The following HRH4 variants were observed in gnomAD, a reference collection of about 807,000 sequenced individuals.
HRH4 encodes histamine receptor H4.
HRH4 carries 12 observed loss-of-function variants against 10.4 expected under a neutral mutation model. That is an observed-to-expected ratio of 1.15 (90% CI 0.74 to 1.87). HRH4 has a LOEUF of 1.87. HRH4 is among the 40% of genes most tolerant of loss of function. The pLI, the probability that HRH4 is intolerant of heterozygous loss-of-function variation, is 0.00. For synonymous variants in HRH4, 154 were observed against 166.6 expected (o/e 0.92, Z 0.58); for missense variants, 415 against 453.3 (o/e 0.92, Z 0.77).
At chr18:24,464,018 GA>G (rs1909709771) in intron 1 of HRH4, among the ~76,000 whole-genome samples, 1 of 152,176 alleles carries the variant, frequency 6.6e-6, no homozygotes, top group African/African-American at 2.4e-5. Context: ...ATCTTCAGGG[GA>G]TAAAGGTGGT....
chr18:24,470,158 CAA>C (rs1414836556), intron 2 of HRH4, among the ~76,000 whole-genome samples: 2 of 152,116 alleles, frequency 1.3e-5, no homozygotes. Flanking sequence ...ACTGCTGTGA[CAA>C]AGAGTCTCCA....
intron 1 of HRH4, among the ~76,000 whole-genome samples, chr18:24,465,742 A>G (rs1909755549): frequency 6.6e-6 from 1 of 152,190 alleles, no homozygotes; most frequent in Non-Finnish European, 1.5e-5. Context: ...CCTAGAATTC[A>G]GGGTGACAGC....
intron 2 of HRH4, among the ~76,000 whole-genome samples, chr18:24,475,592 T>G (rs1179820224): frequency 6.6e-6 from 1 of 152,190 alleles, no homozygotes; most frequent in Non-Finnish European, 1.5e-5. Context: ...GCCACTGCAC[T>G]GCAGCCCTGG....
chr18:24,477,545 C>T lies in HRH4; in HGVS notation c.1156C>T (p.Arg386Trp), dbSNP rs115905515. 3.9e-4 allele frequency: 611 copies of T among 1,571,464 alleles called. 5 individuals are homozygous for T. In the African/African-American group the frequency reaches 6.4e-3, roughly 17 times the overall value. The change falls in exon 3 of 3, where the codon CGG (arginine) becomes TGG (tryptophan). Residue 386 changes from arginine (R) to tryptophan (W), a missense_variant. Arg to Trp is a moderately radical substitution (Grantham distance 101). Transcript: ENST00000256906. ...GCAACCTCTACCATCACAACACAGTCGGTCAGTATCTTCTTAAAGACAATT... is the reference window on the plus strand; with the variant it reads ...GCAACCTCTACCATCACAACACAGTTGGTCAGTATCTTCTTAAAGACAATT... ...KKQPLPSQHS[R>W]SVSS
intron 1 of HRH4, among the ~76,000 whole-genome samples, chr18:24,465,005 G>T (rs1011800609): frequency 6.6e-6 from 1 of 152,116 alleles, no homozygotes; most frequent in Non-Finnish European, 1.5e-5. Flanking sequence ...CACATTTGAA[G>T]CCTGGGCGTG....
intron 1 of HRH4, among the ~76,000 whole-genome samples, chr18:24,461,514 G>A (rs1030814661): frequency 5.3e-5 from 8 of 151,928 alleles, no homozygotes; most frequent in Non-Finnish European, 8.8e-5. Flanking sequence ...CTGAAAACAC[G>A]CACTTTATAA....
chr18:24,473,313 T>C (rs1022814632), intron 2 of HRH4, among the ~76,000 whole-genome samples: 1 of 152,176 alleles, frequency 6.6e-6, no homozygotes, highest in Non-Finnish European at 1.5e-5. Context: ...TTGCTGGAGC[T>C]ACCAAAACAA....
At chr18:24,476,513 C>G (rs1599780880) in intron 2 of HRH4, among the ~76,000 whole-genome samples, 1 of 152,250 alleles carries the variant, frequency 6.6e-6, no homozygotes, top group East Asian at 1.9e-4. Context: ...CTATAGTATT[C>G]AGGGATTTAA....
chr18:24,465,566 C>G (rs1353277401), intron 1 of HRH4, among the ~76,000 whole-genome samples: 2 of 152,090 alleles, frequency 1.3e-5, no homozygotes, highest in East Asian at 1.9e-4. Flanking sequence ...CCATTTGACC[C>G]AAAAACACAA....
rs746574238 is a variant in HRH4, at chr18:24,460,686, C to T, written c.-43C>T. 1 of 1,312,436 alleles carries T rather than the reference C, an allele frequency of 7.6e-7. No individual in the cohort carries two copies. Among genetic ancestry groups the T allele is most frequent in the Non-Finnish European group, 1.0e-6 (1 of 961,314 alleles). The allele number at this position is 1,312,436 out of a possible 1,614,324, so 81.3% of individuals were successfully genotyped here. On this transcript the variant is annotated 5_prime_UTR_variant, in exon 1 of 3. Coordinates refer to ENST00000256906, the MANE Select transcript of HRH4 (RefSeq NM_021624.4). ...AAACATACTTGTCAGAATTGTCTGGCTGGATTAATTTGCTAATTTGACCTT... is the reference window on the plus strand; with the variant it reads ...AAACATACTTGTCAGAATTGTCTGGTTGGATTAATTTGCTAATTTGACCTT...
At chr18:24,470,445 C>G (rs1315550440) in intron 2 of HRH4, among the ~76,000 whole-genome samples, 1 of 151,380 alleles carries the variant, frequency 6.6e-6, no homozygotes, top group Non-Finnish European at 1.5e-5. Context: ...GTACTTGGCT[C>G]TGTTCCAATA....
Position 24,460,943 on chromosome 18 carries a change from A to G in HRH4, c.193+22A>G, listed in dbSNP as rs189322957. 6.0e-4 allele frequency: 852 copies of G among 1,419,876 alleles called. 1 individual carries two copies. Among genetic ancestry groups the G allele is most frequent in the South Asian group, 1.0e-3 (70 of 69,424 alleles). The allele number at this position is 1,419,876 out of a possible 1,614,324, so 88.0% of individuals were successfully genotyped here. On this transcript the variant is annotated intron_variant, in intron 1 of 2. Transcript: ENST00000256906. ...GTGGGTAAGTTATATGTCTTTATTT[A>G]AGACAGTCTTTTCCGATTTTAATTT...
At chr18:24,475,832 A>G (rs544619055) in intron 2 of HRH4, among the ~76,000 whole-genome samples, 20 of 151,952 alleles carry the variant, frequency 1.3e-4, no homozygotes, top group South Asian at 8.3e-4. Flanking sequence ...ACATGGTGAA[A>G]CCCCATCTCT....
chr18:24,465,007 C>T lies in HRH4; in HGVS notation c.194-3781C>T, dbSNP rs1909736712. Among the ~76,000 whole-genome samples, 3 of 152,004 alleles carry T rather than the reference C, an allele frequency of 2.0e-5. No individual in the cohort carries two copies. The South Asian group carries it at 6.2e-4, about 32-fold the overall frequency. Reference sequence around the variant, plus strand: ...TTACTGAGAAAGACACATTTGAAGCCTGGGCGTGGTGGCTCACATCTGTAA... The same window carrying T: ...TTACTGAGAAAGACACATTTGAAGCTTGGGCGTGGTGGCTCACATCTGTAA... On this transcript the variant is annotated intron_variant, in intron 1 of 2. Transcript: ENST00000256906.
At chr18:24,471,625 A>G (rs1909962220) in intron 2 of HRH4, among the ~76,000 whole-genome samples, 1 of 150,870 alleles carries the variant, frequency 6.6e-6, no homozygotes, top group Non-Finnish European at 1.5e-5. Context: ...AAAAAAAAAA[A>G]AAAAAAAAGA....
At chr18:24,469,870 A>G (rs1909888161) in intron 2 of HRH4, among the ~76,000 whole-genome samples, 1 of 152,128 alleles carries the variant, frequency 6.6e-6, no homozygotes, top group South Asian at 2.1e-4. Flanking sequence ...CCGGGGAATG[A>G]GCACAGTATC....
chr18:24,473,073 T>A (rs1334079933), intron 2 of HRH4, among the ~76,000 whole-genome samples: 1 of 151,976 alleles, frequency 6.6e-6, no homozygotes, highest in East Asian at 1.9e-4. Context: ...GAGAATCACT[T>A]GAACCCAGGA....
rs758115692 is a variant in HRH4 at position 24,477,379 on chromosome 18, C to T, written c.990C>T (p.Ser330=). The T allele has an allele frequency of 6.2e-6, 10 of 1,613,880 alleles. No individual in the cohort carries two copies. The highest frequency in any genetic ancestry group is 6.8e-6 in the Non-Finnish European group (8 of 1,179,918). Residue 330 remains serine (S), a synonymous_variant, in exon 3 of 3, where the codon TCC becomes TCT. Transcript: ENST00000256906. Reference sequence around the variant, plus strand: ...TCACAATTGTCCTTTCATTTTATTCCTCAGCAACAGGTCCTAAATCAGTTT... The same window carrying T: ...TCACAATTGTCCTTTCATTTTATTCTTCAGCAACAGGTCCTAAATCAGTTT... The part of the protein sequence containing the change: ...SLFTIVLSFY[S]SATGPKSVWY...
chr18:24,477,321 T>C lies in HRH4; in HGVS notation c.932T>C (p.Val311Ala). The change falls in exon 3 of 3, where the codon GTT becomes GCT. Residue 311 changes from valine (V) to alanine (A), a missense_variant. Transcript: ENST00000256906. ...AAGTCACTGGCCATTCTCTTAGGGG[T>C]TTTTGCTGTTTGCTGGGCTCCATAT... is the stretch of plus-strand genomic sequence containing the variant. ...LAKSLAILLGVFAVCWAPYSL... is the reference protein window; with the variant it reads ...LAKSLAILLGAFAVCWAPYSL... 3.7e-6 allele frequency: 6 copies of C among 1,613,898 alleles called. No individual in the cohort carries two copies. The highest frequency in any genetic ancestry group is 5.1e-6 in the Non-Finnish European group (6 of 1,179,878).
Sources: allele counts gnomAD v4.1 joint callset (sites outside exome capture counted in the v4.1 genomes callset), GRCh38; gene constraint gnomAD v4.1.1; transcripts MANE v1.5; gene names NCBI Gene and HGNC (gene_info 2026-07-23, HGNC 2026-07-21).